The following GDAP1 variants were observed in gnomAD, a reference collection of about 807,000 sequenced individuals.
The protein encoded by GDAP1 is ganglioside-induced differentiation-associated protein 1.
Under a neutral mutation model 40.1 loss-of-function variants are expected in GDAP1, and 34 were observed. The ratio of observed to expected loss-of-function variants is 0.85; its 90% CI spans 0.64 to 1.13. The LOEUF is 1.13. Among genes scored for constraint, GDAP1 ranks in the 50% most tolerant of loss-of-function variants. The probability of loss-of-function intolerance (pLI) is 0.00; values close to 1 mark genes in which losing one functional copy is unlikely to be tolerated. For synonymous variants in GDAP1, 170 were observed against 157.4 expected, an observed-to-expected ratio of 1.08 and a Z score of -0.60; for missense variants, 374 against 433.7, an observed-to-expected ratio of 0.86 and a Z score of 1.22.
chr8:74,450,308 A>G (rs566669814), intron 2 of GDAP1, among the ~76,000 whole-genome samples: 14 of 151,872 alleles, frequency 9.2e-5, no homozygotes, highest in African/African-American at 2.7e-4. Context: ...AATAATGTGT[A>G]TATTTTGGAG....
At chr8:74,360,832 G>A (rs80191687) in intron 3 of GDAP1, among the ~76,000 whole-genome samples, 8,533 of 152,266 alleles carry the variant, frequency 0.056, 285 homozygotes, top group East Asian at 0.12. Flanking sequence ...AGAATAGTCA[G>A]TGCATGATCT....
chr8:74,444,014 CTATCT>C (rs1024893883), intron 2 of GDAP1, among the ~76,000 whole-genome samples: 25 of 121,412 alleles, frequency 2.1e-4, no homozygotes, highest in African/African-American at 6.8e-4. Context: ...ATCTATCTAT[CTATCT>C]ATCTATCATC....
intron 2 of GDAP1, among the ~76,000 whole-genome samples, chr8:74,398,731 C>G (rs1394890687): frequency 4.6e-5 from 7 of 151,992 alleles, no homozygotes; most frequent in Admixed American, 6.6e-5. Flanking sequence ...CCATCAATAC[C>G]TAATTTATTG....
intron 2 of GDAP1, among the ~76,000 whole-genome samples, chr8:74,418,302 G>A (rs1805810462): frequency 6.6e-6 from 1 of 152,184 alleles, no homozygotes; most frequent in South Asian, 2.1e-4. Context: ...CAAAGCTACA[G>A]TATTCAAGTT....
intron 2 of GDAP1, among the ~76,000 whole-genome samples, chr8:74,482,979 G>T (rs1202068124): frequency 4.6e-5 from 7 of 152,074 alleles, no homozygotes. Context: ...TTCTGCTTGT[G>T]CCATTTGCTG....
At position 74,411,042 on chromosome 8, in the gene GDAP1, A is replaced by T. The variant is rs556614159; in HGVS notation, c.165+59721A>T. On this transcript the variant is annotated intron_variant, in intron 2 of 2. Coordinates refer to the GDAP1 transcript ENST00000523640. ...GTTCTCATGATAGTGAGTTCTTATG[A>T]GATCTGATGGTTTTAGAAATGTTTG... Among the ~76,000 whole-genome samples the T allele has an allele frequency of 1.2e-4, 18 of 149,724 alleles. No individual in the cohort carries two copies. In the East Asian group the frequency reaches 3.5e-3, roughly 29 times the overall value.
chr8:74,458,189 A>G lies in GDAP1; in HGVS notation c.166-30489A>G, dbSNP rs540148144. 3.2e-4 allele frequency among the ~76,000 whole-genome samples: 48 copies of G among 152,174 alleles called. No individual in the cohort carries two copies. The South Asian group carries it at 8.7e-3, about 28-fold the overall frequency. ...AAACTTTATTGAGATGGTGAATTCA[A>G]ATGAATACCTATACTTTAGCAGTTT... On this transcript the variant is annotated intron_variant, in intron 2 of 2. Coordinates refer to the GDAP1 transcript ENST00000523640.
intron 2 of GDAP1, among the ~76,000 whole-genome samples, chr8:74,472,240 C>T (rs1806566840): frequency 6.6e-6 from 1 of 152,182 alleles, no homozygotes; most frequent in African/African-American, 2.4e-5. Context: ...TTCCAACTAC[C>T]TCTATGTCCC....
chr8:74,453,940 A>AACACACACACACAC lies in GDAP1; in HGVS notation c.166-34715_166-34702dup, dbSNP rs59331820. ...CTTTATTATCTACTATTCTGAAGAA[A>AACACACACACACAC]ACACACACACACACACACACACACA... is the stretch of plus-strand genomic sequence containing the variant. On this transcript the variant is annotated intron_variant, in intron 2 of 2. Transcript: ENST00000523640. Among the ~76,000 whole-genome samples, 7 of 59,080 alleles carry AACACACACACACAC rather than the reference A, an allele frequency of 1.2e-4. 2 individuals are homozygous for AACACACACACACAC. The highest frequency in any genetic ancestry group is 3.7e-4 in the Admixed American group (2 of 5,364). 38.8% of individuals were successfully genotyped at this position (59,080 alleles called of 152,430 possible). A position where few individuals can be genotyped will look rare whatever the true frequency, so the allele number is the denominator to read the frequency against.
At chr8:74,456,958 A>G (rs1258210746) in intron 2 of GDAP1, among the ~76,000 whole-genome samples, 2 of 151,972 alleles carry the variant, frequency 1.3e-5, no homozygotes, top group African/African-American at 4.8e-5. Context: ...CCTTTAGCCA[A>G]CTCCAGGAGA....
rs117496146 is a variant in GDAP1, at chr8:74,408,058, A to T, written c.165+56737A>T. Among the ~76,000 whole-genome samples the T allele has an allele frequency of 5.6e-3, 842 of 150,228 alleles. 6 individuals carry two copies. The highest frequency in any genetic ancestry group is 0.014 in the Middle Eastern group (4 of 294). On this transcript the variant is annotated intron_variant, in intron 2 of 2. Coordinates refer to the GDAP1 transcript ENST00000523640. ...TGTAGCCCAAATTACATTTTCACTC[A>T]AGACACATCCTGATAGGTATCCTTT... is the stretch of plus-strand genomic sequence containing the variant.
intron 2 of GDAP1, among the ~76,000 whole-genome samples, chr8:74,372,611 G>C (rs1218692007): frequency 6.6e-6 from 1 of 152,052 alleles, no homozygotes; most frequent in East Asian, 1.9e-4. Context: ...CTTTTTGATG[G>C]GGTTTGATTT....
intron 2 of GDAP1, among the ~76,000 whole-genome samples, chr8:74,387,982 C>A (rs1810050440): frequency 6.6e-6 from 1 of 152,088 alleles, no homozygotes; most frequent in African/African-American, 2.4e-5. Context: ...ATAGTATTCT[C>A]TGATGGTAGT....
chr8:74,363,904 A>T, intron 5 of GDAP1, 81 bp from the exon 6 acceptor site: 1 of 1,185,120 alleles, frequency 8.4e-7, no homozygotes, highest in Non-Finnish European at 1.3e-6. Context: ...ACTCACCCTT[A>T]AGGGTGAGAC....
rs1809514361 is a variant in GDAP1, at chr8:74,364,227, A to G, written c.937A>G (p.Lys313Glu). ...AVLPTAFRVAKKRAPKVLGTT... is the reference protein window; with the variant it reads ...AVLPTAFRVAEKRAPKVLGTT... ...GCTGCCAACAGCATTCCGGGTGGCC[A>G]AGAAAAGGGCCCCAAAAGTTCTTGG... Residue 313 changes from lysine to glutamate, a missense_variant, in exon 6 of 6, where the codon AAG becomes GAG. Lys to Glu is a moderately conservative substitution (Grantham distance 56). Coordinates refer to ENST00000220822, the MANE Select transcript of GDAP1 (RefSeq NM_018972.4). 1 of 1,614,236 alleles carries G rather than the reference A, an allele frequency of 6.2e-7. No homozygotes were observed. Among genetic ancestry groups the G allele is most frequent in the Non-Finnish European group, 8.5e-7 (1 of 1,180,034 alleles).
intron 2 of GDAP1, among the ~76,000 whole-genome samples, chr8:74,403,848 TCAAA>T (rs1168826419): frequency 6.7e-6 from 1 of 150,250 alleles, no homozygotes; most frequent in Non-Finnish European, 1.5e-5. Flanking sequence ...AACTCAATAC[TCAAA>T]CTAAGTTGGT....
intron 2 of GDAP1, among the ~76,000 whole-genome samples, chr8:74,471,725 G>A (rs1384533404): frequency 6.6e-6 from 1 of 151,950 alleles, no homozygotes; most frequent in East Asian, 1.9e-4. Context: ...GTCACTGTCG[G>A]TCAGTTTACA....
chr8:74,425,632 A>T (rs1357068064), intron 2 of GDAP1, among the ~76,000 whole-genome samples: 1 of 152,204 alleles, frequency 6.6e-6, no homozygotes, highest in Admixed American at 6.6e-5. Context: ...TCTTTGAATC[A>T]GAAAAGAAAG....
At chr8:74,431,524 C>G (rs953702689) in intron 2 of GDAP1, among the ~76,000 whole-genome samples, 3 of 152,070 alleles carry the variant, frequency 2.0e-5, no homozygotes, top group Non-Finnish European at 1.5e-5. Flanking sequence ...CTCTGTCACC[C>G]AGGCTGGAGC....
Sources: allele counts gnomAD v4.1 joint callset (sites outside exome capture counted in the v4.1 genomes callset), GRCh38; gene constraint gnomAD v4.1.1; transcripts MANE v1.5; gene names NCBI Gene and HGNC (gene_info 2026-07-23, HGNC 2026-07-21).